TSHZ2: variants seen among roughly 807,000 people sequenced by gnomAD.
TSHZ2 encodes the protein teashirt homolog 2.
TSHZ2 carries 21 observed loss-of-function variants against 74.4 expected under a neutral mutation model. The ratio of observed to expected loss-of-function variants is 0.28; its 90% CI spans 0.20 to 0.41. The LOEUF is 0.41. TSHZ2 is among the 10% of genes least tolerant of loss of function. The probability of loss-of-function intolerance (pLI) is 1.00; values close to 1 mark genes in which losing one functional copy is unlikely to be tolerated. For synonymous variants in TSHZ2, 540 were observed against 515.3 expected (o/e 1.05, Z -0.65); for missense variants, 1,244 against 1,293.5 (o/e 0.96, Z 0.59).
intron 1 of TSHZ2, among the ~76,000 whole-genome samples, chr20:53,195,969 T>G (rs538782849): frequency 6.6e-6 from 1 of 152,216 alleles, no homozygotes; most frequent in South Asian, 2.1e-4. Flanking sequence ...TATTTTTTTG[T>G]GCTAAGAGCA....
At chr20:53,183,911 G>A (rs1027631924) in intron 1 of TSHZ2, among the ~76,000 whole-genome samples, 1 of 152,220 alleles carries the variant, frequency 6.6e-6, no homozygotes, top group Non-Finnish European at 1.5e-5. Context: ...CTTTTGGGAT[G>A]TGGGTGGCTC....
chr20:53,438,790 G>A lies in TSHZ2; in HGVS notation c.*9-48354G>A, dbSNP rs183807757. Among the ~76,000 whole-genome samples the A allele has an allele frequency of 2.0e-3, 300 of 152,172 alleles. 1 individual carries two copies. The highest frequency in any genetic ancestry group is 6.5e-3 in the African/African-American group (272 of 41,538). The stretch of plus-strand genomic sequence containing the variant: ...AGCCTGACCAACATGATGAAACCCC[G>A]TCTCTACAAAAATTACGAAATTAGC... On this transcript the variant is annotated intron_variant, in intron 2 of 2. Transcript: ENST00000371497.
chr20:53,085,904 T>C (rs1326046924), intron 1 of TSHZ2, among the ~76,000 whole-genome samples: 1 of 152,302 alleles, frequency 6.6e-6, no homozygotes, highest in African/African-American at 2.4e-5. Context: ...CAGGCAGACC[T>C]TCATGAGGGC....
In TSHZ2 at chr20:53,487,403, G is replaced by A. The variant is rs1269113817; in HGVS notation, c.*268G>A. On this transcript the variant is annotated 3_prime_UTR_variant, in exon 3 of 3. Coordinates refer to ENST00000371497, the MANE Select transcript of TSHZ2 (RefSeq NM_173485.6). ...GATTTTCATTGATAAATTGCAATGG[G>A]GCTGTCTCGTCTCCACAGTACCCTT... 1 of 152,022 alleles carries A rather than the reference G, an allele frequency of 6.6e-6. No homozygotes were observed. Among genetic ancestry groups the A allele is most frequent in the Non-Finnish European group, 1.5e-5 (1 of 68,024 alleles). The allele number at this position is 152,022 out of a possible 1,614,324, so 9.4% of individuals were successfully genotyped here. A position where few individuals can be genotyped will look rare whatever the true frequency, so the allele number is the denominator to read the frequency against.
At chr20:53,475,073 C>T (rs1204702776) in intron 2 of TSHZ2, among the ~76,000 whole-genome samples, 1 of 138,772 alleles carries the variant, frequency 7.2e-6, no homozygotes, top group Non-Finnish European at 1.5e-5. Flanking sequence ...ACTTTAACAC[C>T]CCACTGTCAA....
At chr20:53,308,996 G>A (rs1199561002) in intron 2 of TSHZ2, among the ~76,000 whole-genome samples, 1 of 152,218 alleles carries the variant, frequency 6.6e-6, no homozygotes, top group East Asian at 1.9e-4. Context: ...GGGGGCAAAA[G>A]ACTGAAGGCC....
intron 1 of TSHZ2, among the ~76,000 whole-genome samples, chr20:53,084,698 C>T: frequency 1.5e-5 from 2 of 130,272 alleles, no homozygotes; most frequent in South Asian, 6.1e-4. Flanking sequence ...TCCCTCTCTC[C>T]CTCTCTCCCT....
At chr20:53,414,977 G>T (rs1330738624) in intron 2 of TSHZ2, among the ~76,000 whole-genome samples, 1 of 152,130 alleles carries the variant, frequency 6.6e-6, no homozygotes, top group Non-Finnish European at 1.5e-5. Context: ...GATAATGTTT[G>T]TAAAATGCTG....
chr20:53,472,704 C>G (rs371839255), intron 2 of TSHZ2, among the ~76,000 whole-genome samples: 99 of 151,986 alleles, frequency 6.5e-4, no homozygotes, highest in African/African-American at 2.3e-3. Flanking sequence ...CCAGCCTGAG[C>G]GACGCAGAAG....
chr20:53,182,597 G>A (rs1209934291), intron 1 of TSHZ2, among the ~76,000 whole-genome samples: 1 of 152,196 alleles, frequency 6.6e-6, no homozygotes, highest in Non-Finnish European at 1.5e-5. Flanking sequence ...ACCTGCTAAT[G>A]ATTAATTAAA....
intron 1 of TSHZ2, among the ~76,000 whole-genome samples, chr20:53,048,534 T>C (rs1002479648): frequency 6.6e-6 from 1 of 152,046 alleles, no homozygotes; most frequent in Non-Finnish European, 1.5e-5. Flanking sequence ...TGATCAAGGG[T>C]GGAATGGAAA....
chr20:53,052,640 G>A (rs561527095), intron 1 of TSHZ2, among the ~76,000 whole-genome samples: 1 of 152,276 alleles, frequency 6.6e-6, no homozygotes, highest in East Asian at 1.9e-4. Context: ...TCTTCTTTAA[G>A]GCTGAGTATT....
intron 1 of TSHZ2, among the ~76,000 whole-genome samples, chr20:53,064,431 T>C (rs1376381930): frequency 6.6e-6 from 1 of 152,144 alleles, no homozygotes; most frequent in African/African-American, 2.4e-5. Flanking sequence ...TAAGCCTTCT[T>C]TATTTTTTTT....
intron 1 of TSHZ2, among the ~76,000 whole-genome samples, chr20:53,250,863 T>C (rs1361245821): frequency 1.3e-5 from 2 of 151,612 alleles, no homozygotes; most frequent in Admixed American, 1.3e-4. Flanking sequence ...AACACTTCTT[T>C]TCTCCTAGTT....
chr20:53,121,278 G>A (rs1986803145), intron 1 of TSHZ2, among the ~76,000 whole-genome samples: 1 of 151,964 alleles, frequency 6.6e-6, no homozygotes, highest in African/African-American at 2.4e-5. Flanking sequence ...ACTCATACAT[G>A]TCTCATTACT....
chr20:53,213,585 A>G (rs761363793), intron 1 of TSHZ2, among the ~76,000 whole-genome samples: 13 of 151,828 alleles, frequency 8.6e-5, no homozygotes, highest in Non-Finnish European at 1.6e-4. Context: ...GAGAGAGAGA[A>G]AGAGAGAGAG....
At chr20:53,031,685 G>A (rs6022233) in intron 1 of TSHZ2, among the ~76,000 whole-genome samples, 110,623 of 152,088 alleles carry the variant, frequency 0.73, 41,732 homozygotes, top group East Asian at 0.96. Flanking sequence ...AACAGCAGCA[G>A]AATGTTAATT....
intron 1 of TSHZ2, among the ~76,000 whole-genome samples, chr20:53,146,847 G>A (rs1239331280): frequency 2.6e-5 from 4 of 152,144 alleles, no homozygotes; most frequent in Admixed American, 6.6e-5. Context: ...AGGCGGGCGT[G>A]AAGGATAGGT....
intron 2 of TSHZ2, among the ~76,000 whole-genome samples, chr20:53,351,050 A>G (rs552471056): frequency 6.6e-6 from 1 of 152,342 alleles, no homozygotes. Flanking sequence ...TCCTCTGTCA[A>G]TCTAAAATGA....
Sources: allele counts gnomAD v4.1 joint callset (sites outside exome capture counted in the v4.1 genomes callset), GRCh38; gene constraint gnomAD v4.1.1; transcripts MANE v1.5; gene names NCBI Gene and HGNC (gene_info 2026-07-23, HGNC 2026-07-21).